The following DOLPP1 variants were observed in gnomAD, a reference collection of about 807,000 sequenced individuals.
DOLPP1 encodes the protein dolichyl pyrophosphate phosphatase 1.
DOLPP1 carries 15 observed loss-of-function variants against 34.1 expected under a neutral mutation model. That is an observed-to-expected ratio of 0.44 (90% CI 0.29 to 0.68). DOLPP1 has a LOEUF of 0.68. Ranked by LOEUF, DOLPP1 falls within the 30% of genes least tolerant of loss-of-function variation. The pLI is 0.12. For synonymous variants in DOLPP1, 130 were observed against 128.2 expected, an observed-to-expected ratio of 1.01 and a Z score of -0.10; for missense variants, 249 against 307.1, an observed-to-expected ratio of 0.81 and a Z score of 1.41.
intron 1 of DOLPP1, 60 bp downstream of exon 1, chr9:129,081,267 G>C (rs1274676771): frequency 6.3e-7 from 1 of 1,584,218 alleles, no homozygotes; most frequent in African/African-American, 1.4e-5. Context: ...AGTCCCGGGC[G>C]CTCCGGCCTG....
chr9:129,085,511 T>G lies in DOLPP1; in HGVS notation c.363-7T>G. On this transcript the variant is annotated splice_polypyrimidine_tract_variant and splice_region_variant and intron_variant, in intron 4 of 7. Coordinates refer to ENST00000372546, the MANE Select transcript of DOLPP1 (RefSeq NM_020438.5). The surrounding 1 kb of genome is among the most constrained non-coding windows in gnomAD (Gnocchi z 7.0). ...GCTGAGGTCATCTGGTGGGCCTGTT[T>G]TCGCAGAATGCACCAAACAAACAAC... 3.1e-6 allele frequency: 5 copies of G among 1,613,196 alleles called. No individual in the cohort carries two copies. The highest frequency in any genetic ancestry group is 4.2e-6 in the Non-Finnish European group (5 of 1,179,676).
At chr9:129,082,638 T>C (rs1349582791) in intron 1 of DOLPP1, among the ~76,000 whole-genome samples, 1 of 152,224 alleles carries the variant, frequency 6.6e-6, no homozygotes. Flanking sequence ...TGATACAGGC[T>C]GTGATGGACC....
Position 129,081,217 on chromosome 9 carries a change from G to T in DOLPP1, c.76+10G>T, listed in dbSNP as rs753369878. 1 of 1,607,812 alleles carries T rather than the reference G, an allele frequency of 6.2e-7. No individual in the cohort carries two copies. The highest frequency in any genetic ancestry group is 8.5e-7 in the Non-Finnish European group (1 of 1,179,088). On this transcript the variant is annotated intron_variant, in intron 1 of 7. Transcript: ENST00000372546. The stretch of plus-strand genomic sequence containing the variant: ...GTCGAATATCCTGCAGGTAAAAGGC[G>T]GTCCCGGCTCCAAGGACGCCTTCCC...
chr9:129,084,618 C>A, intron 1 of DOLPP1, 50 bp from the exon 2 acceptor site: 2 of 1,342,006 alleles, frequency 1.5e-6, no homozygotes, highest in Non-Finnish European at 2.1e-6. Context: ...GCTGGTCCCT[C>A]TTCTGATGCC....
At chr9:129,081,400 A>T (rs73627725) in intron 1 of DOLPP1, among the ~76,000 whole-genome samples, 193 bp downstream of exon 1, 220 of 152,094 alleles carry the variant, frequency 1.4e-3, no homozygotes, top group African/African-American at 5.2e-3. Flanking sequence ...GCTGGGCGAA[A>T]TTGTGAGGCG....
chr9:129,081,673 G>A (rs564946698), intron 1 of DOLPP1, among the ~76,000 whole-genome samples: 5 of 152,340 alleles, frequency 3.3e-5, no homozygotes, highest in African/African-American at 1.2e-4. Context: ...GCAAGCCGAA[G>A]CCAGGCTTTT....
intron 7 of DOLPP1, among the ~76,000 whole-genome samples, chr9:129,087,724 C>T (rs1847019842): frequency 6.6e-6 from 1 of 152,036 alleles, no homozygotes; most frequent in African/African-American, 2.4e-5. Flanking sequence ...GGTGGGGCGT[C>T]CTAGCAGCCA....
Position 129,085,634 on chromosome 9 carries a change from C to A in DOLPP1, c.461+18C>A. 6.3e-7 allele frequency: 1 copy of A among 1,591,564 alleles called. No individual in the cohort carries two copies. ...TACAGCAGGTATGGAGGAGGGAGAG[C>A]CCCTGCCTGCACCCTGCCCATGTGG... is the stretch of plus-strand genomic sequence containing the variant. On this transcript the variant is annotated intron_variant, in intron 5 of 7. Transcript: ENST00000372546. The surrounding 1 kb of genome is among the most constrained non-coding windows in gnomAD (Gnocchi z 7.0).
In DOLPP1 at chr9:129,084,840, G is replaced by A. The variant is rs1255521730; in HGVS notation, c.177+72G>A. The A allele has an allele frequency of 5.4e-5, 49 of 914,614 alleles. No individual in the cohort carries two copies. In the East Asian group the frequency reaches 1.1e-3, roughly 20 times the overall value. The allele number at this position is 914,614 out of a possible 1,614,324, so 56.7% of individuals were successfully genotyped here. A position where few individuals can be genotyped will look rare whatever the true frequency, so the allele number is the denominator to read the frequency against. On this transcript the variant is annotated intron_variant, in intron 2 of 7. Coordinates refer to ENST00000372546, the MANE Select transcript of DOLPP1 (RefSeq NM_020438.5). Reference sequence around the variant, plus strand: ...CCACCCTGCTTTGGGAAGCCCGTCCGCCCCTCAGTCCAGGGTTCTCATCCC... The same window carrying A: ...CCACCCTGCTTTGGGAAGCCCGTCCACCCCTCAGTCCAGGGTTCTCATCCC...
rs750831844 is a variant in DOLPP1, at chr9:129,085,290, C to T, written c.346C>T (p.Leu116Phe). The change falls in exon 4 of 8, where the codon CTT becomes TTT. Residue 116 changes from leucine (L) to phenylalanine (F), a missense_variant. Physicochemically the swap from Leu to Phe is conservative, Grantham distance 22 (BLOSUM62 0). Transcript: ENST00000372546. This position sits in a 1 kb window ranked among gnomAD's most constrained non-coding sequence, Gnocchi z 7.0. ...GTGGTTCTTCTCCGTCTATTCCTTC[C>T]TTTTCCTGTATTTAAGGTGAGTTTC... ...FMWFFSVYSF[L>F]FLYLRMHQTN... is the part of the protein sequence containing the mutation. 2.5e-6 allele frequency: 4 copies of T among 1,614,014 alleles called. No individual in the cohort carries two copies. The highest frequency in any genetic ancestry group is 1.7e-5 in the Admixed American group (1 of 60,022).
At chr9:129,086,411 CAG>C (rs748520537) in intron 6 of DOLPP1, 144 bp downstream of exon 6, 20 of 1,113,430 alleles carry the variant, frequency 1.8e-5, no homozygotes, top group East Asian at 5.2e-5. Context: ...GGCAGAGACA[CAG>C]GGGGTTTCCT....
Position 129,085,491 on chromosome 9 carries a change from G to C in DOLPP1, c.363-27G>C. ...AGGCCTGGGCTGGGCTGTGGGCTGA[G>C]GTCATCTGGTGGGCCTGTTTTCGCA... On this transcript the variant is annotated intron_variant, in intron 4 of 7. Coordinates refer to ENST00000372546, the MANE Select transcript of DOLPP1 (RefSeq NM_020438.5). This position sits in a 1 kb window ranked among gnomAD's most constrained non-coding sequence, Gnocchi z 7.0. 1 of 1,609,408 alleles carries C rather than the reference G, an allele frequency of 6.2e-7. No individual in the cohort carries two copies. Among genetic ancestry groups the C allele is most frequent in the Non-Finnish European group, 8.5e-7 (1 of 1,176,722 alleles).
At chr9:129,086,663 C>G (rs1467408423) in intron 6 of DOLPP1, 46 bp from the exon 7 acceptor site, 1 of 1,558,356 alleles carries the variant, frequency 6.4e-7, no homozygotes, top group Non-Finnish European at 8.8e-7. Flanking sequence ...TGGTAACAGA[C>G]TCATGCCCTG....
chr9:129,081,229 A>C, intron 1 of DOLPP1, 22 bp downstream of exon 1: 1 of 1,605,908 alleles, frequency 6.2e-7, no homozygotes, highest in Non-Finnish European at 8.5e-7. Flanking sequence ...TCCCGGCTCC[A>C]AGGACGCCTT....
At chr9:129,087,783 G>C (rs568349321) in intron 7 of DOLPP1, among the ~76,000 whole-genome samples, 2 of 152,178 alleles carry the variant, frequency 1.3e-5, no homozygotes, top group East Asian at 3.9e-4. Context: ...ACGAGCTTAA[G>C]GGCAAAGCCG....
At chr9:129,083,455 C>G (rs535820175) in intron 1 of DOLPP1, among the ~76,000 whole-genome samples, 1 of 152,332 alleles carries the variant, frequency 6.6e-6, no homozygotes, top group Admixed American at 6.5e-5. Context: ...CTGGGCTGCT[C>G]TGCTCTCCCA....
intron 7 of DOLPP1, among the ~76,000 whole-genome samples, chr9:129,088,572 A>T (rs929704885): frequency 1.5e-4 from 23 of 152,034 alleles, no homozygotes; most frequent in Non-Finnish European, 2.5e-4. Context: ...CCGGATGGGG[A>T]GCTCACTACA....
At chr9:129,082,395 G>A (rs1395625584) in intron 1 of DOLPP1, among the ~76,000 whole-genome samples, 1 of 152,206 alleles carries the variant, frequency 6.6e-6, no homozygotes, top group Non-Finnish European at 1.5e-5. Flanking sequence ...CTGAGTGCTA[G>A]GCCCTGGGCT....
At chr9:129,086,108 C>G in intron 5 of DOLPP1, 31 bp from the exon 6 acceptor site, 2 of 1,609,428 alleles carry the variant, frequency 1.2e-6, no homozygotes, top group African/African-American at 2.7e-5. Context: ...CTGACTGGCT[C>G]TCACATACTT....
Sources: allele counts gnomAD v4.1 joint callset (sites outside exome capture counted in the v4.1 genomes callset), GRCh38; gene constraint gnomAD v4.1.1; non-coding constraint Gnocchi (gnomAD v3.1); transcripts MANE v1.5; gene names NCBI Gene and HGNC (gene_info 2026-07-23, HGNC 2026-07-21).